AKAP7: variants seen among roughly 807,000 people sequenced by gnomAD.
AKAP7 encodes the protein A-kinase anchoring protein 7, also known as A kinase (PRKA) anchor protein 7.
A neutral mutation model predicts 39.5 loss-of-function variants in AKAP7; 39 were observed. That is an observed-to-expected ratio of 0.99 (90% CI 0.76 to 1.29). The LOEUF is 1.29. AKAP7 is among the 50% of genes most tolerant of loss of function. The probability of loss-of-function intolerance (pLI) is 0.00; values close to 1 mark genes in which losing one functional copy is unlikely to be tolerated. For synonymous variants in AKAP7, 140 were observed against 139.1 expected (o/e 1.01, Z -0.05); for missense variants, 414 against 407.7 (o/e 1.02, Z -0.13).
chr6:131,195,403 G>A (rs1806827172), intron 5 of AKAP7, among the ~76,000 whole-genome samples: 2 of 152,086 alleles, frequency 1.3e-5, no homozygotes. Context: ...TTGAAGAGTT[G>A]TGGTAGTTAT....
intron 7 of AKAP7, among the ~76,000 whole-genome samples, chr6:131,249,602 TA>T (rs1246461877): frequency 6.6e-6 from 1 of 152,182 alleles, no homozygotes; most frequent in Non-Finnish European, 1.5e-5. Context: ...TAGAGTGTCA[TA>T]AACTAAGGCT....
intron 7 of AKAP7, among the ~76,000 whole-genome samples, chr6:131,253,956 T>G (rs1377720325): frequency 6.6e-6 from 1 of 152,204 alleles, no homozygotes; most frequent in African/African-American, 2.4e-5. Flanking sequence ...GGTATTCCTT[T>G]GATACACTGA....
chr6:131,222,420 G>T (rs1187008782), intron 7 of AKAP7, among the ~76,000 whole-genome samples: 1 of 152,020 alleles, frequency 6.6e-6, no homozygotes, highest in Non-Finnish European at 1.5e-5. Flanking sequence ...CCAGCTACTC[G>T]GGAGGCTGAG....
intron 7 of AKAP7, chr6:131,252,906 A>T (rs1812550264): frequency 1.2e-6 from 1 of 844,994 alleles, no homozygotes; most frequent in Middle Eastern, 3.4e-4. Context: ...AAATGTGAAT[A>T]CTCACTTCTT....
chr6:131,215,705 C>T (rs1180915575), intron 6 of AKAP7, among the ~76,000 whole-genome samples: 1 of 152,190 alleles, frequency 6.6e-6, no homozygotes, highest in African/African-American at 2.4e-5. Flanking sequence ...CCAATATGTA[C>T]ATTTTCATTG....
chr6:131,159,243 G>A (rs1266321491), intron 2 of AKAP7, among the ~76,000 whole-genome samples: 1 of 151,986 alleles, frequency 6.6e-6, no homozygotes. Context: ...ACAGGTGCCC[G>A]CCAGCACACC....
At chr6:131,156,551 A>T (rs1802432678) in intron 2 of AKAP7, among the ~76,000 whole-genome samples, 1 of 151,972 alleles carries the variant, frequency 6.6e-6, no homozygotes, top group Non-Finnish European at 1.5e-5. Flanking sequence ...AGGTGGGAGG[A>T]TCATTTGAGC....
chr6:131,179,795 G>C (rs1255143656), intron 5 of AKAP7, among the ~76,000 whole-genome samples: 1 of 152,034 alleles, frequency 6.6e-6, no homozygotes, highest in Non-Finnish European at 1.5e-5. Flanking sequence ...CTTGAGTCTG[G>C]GAGGGCGAGG....
intron 1 of AKAP7, among the ~76,000 whole-genome samples, chr6:131,139,839 T>C (rs1800879330): frequency 6.6e-6 from 1 of 152,224 alleles, no homozygotes; most frequent in Non-Finnish European, 1.5e-5. Context: ...CTTTCAAAAG[T>C]GTCCTGGTTT....
At position 131,135,635 on chromosome 6, in the gene AKAP7, C is replaced by T; in HGVS notation, c.-129C>T. On this transcript the variant is annotated 5_prime_UTR_variant, in exon 1 of 8. Coordinates refer to ENST00000431975, the MANE Select transcript of AKAP7 (RefSeq NM_016377.4). ...AGCCTGTCGCTGGACCCCGCGCCGGCCCAGCGCACCGCCCTCAGGCCCCGA... is the reference window on the plus strand; with the variant it reads ...AGCCTGTCGCTGGACCCCGCGCCGGTCCAGCGCACCGCCCTCAGGCCCCGA... The T allele has an allele frequency of 1.2e-6, 1 of 844,816 alleles. No homozygotes were observed. The highest frequency in any genetic ancestry group is 1.4e-6 in the Non-Finnish European group (1 of 697,118). 52.3% of individuals were successfully genotyped at this position (844,816 alleles called of 1,614,324 possible). A position where few individuals can be genotyped will look rare whatever the true frequency, so the allele number is the denominator to read the frequency against.
intron 7 of AKAP7, among the ~76,000 whole-genome samples, chr6:131,273,944 T>C (rs553243166): frequency 4.0e-5 from 6 of 150,452 alleles, no homozygotes; most frequent in Non-Finnish European, 8.9e-5. Flanking sequence ...CCTTTTCTTT[T>C]TTTTTTTTTT....
chr6:131,135,659 G>A lies in AKAP7; in HGVS notation c.-105G>A, dbSNP rs1297414881. On this transcript the variant is annotated 5_prime_UTR_variant, in exon 1 of 8. Coordinates refer to ENST00000431975, the MANE Select transcript of AKAP7 (RefSeq NM_016377.4). ...GCCCAGCGCACCGCCCTCAGGCCCC[G>A]AGCCCCGCCCTGGCCTCCGCCTCGG... The A allele has an allele frequency of 3.0e-6, 3 of 1,005,524 alleles. No individual in the cohort carries two copies. The highest frequency in any genetic ancestry group is 5.6e-5 in the Admixed American group (1 of 17,848). 62.3% of individuals were successfully genotyped at this position (1,005,524 alleles called of 1,614,324 possible). A position where few individuals can be genotyped will look rare whatever the true frequency, so the allele number is the denominator to read the frequency against.
chr6:131,235,753 G>T (rs1810997275), intron 7 of AKAP7, among the ~76,000 whole-genome samples: 1 of 152,150 alleles, frequency 6.6e-6, no homozygotes, highest in Non-Finnish European at 1.5e-5. Flanking sequence ...TTTTGATGGG[G>T]TTGTTTGTTT....
intron 7 of AKAP7, among the ~76,000 whole-genome samples, chr6:131,237,872 A>G (rs1411880990): frequency 1.3e-5 from 2 of 151,876 alleles, no homozygotes; most frequent in Non-Finnish European, 2.9e-5. Flanking sequence ...GGATTCACTG[A>G]TTTTTTTGAA....
intron 2 of AKAP7, among the ~76,000 whole-genome samples, chr6:131,155,922 A>G (rs558834022): frequency 1.3e-5 from 2 of 152,338 alleles, no homozygotes; most frequent in African/African-American, 4.8e-5. Context: ...CATACATTGT[A>G]TGCTCCAGAC....
chr6:131,194,523 C>A (rs948226983), intron 5 of AKAP7, among the ~76,000 whole-genome samples: 3 of 152,056 alleles, frequency 2.0e-5, no homozygotes, highest in African/African-American at 7.2e-5. Flanking sequence ...ATGAAACATT[C>A]TGTAAATATC....
At chr6:131,241,577 ATG>A (rs749601887) in intron 7 of AKAP7, among the ~76,000 whole-genome samples, 10,931 of 81,202 alleles carry the variant, frequency 0.13, 686 homozygotes, top group East Asian at 0.25. Context: ...GATTATATAT[ATG>A]TGTGTGTGTG....
At chr6:131,231,954 GCTTA>G (rs1322268863) in intron 7 of AKAP7, among the ~76,000 whole-genome samples, 6 of 152,182 alleles carry the variant, frequency 3.9e-5, no homozygotes, top group Non-Finnish European at 7.4e-5. Context: ...GGAACTCTCA[GCTTA>G]CTTCTTTACA....
At chr6:131,154,853 T>G (rs1802277614) in intron 2 of AKAP7, among the ~76,000 whole-genome samples, 1 of 152,132 alleles carries the variant, frequency 6.6e-6, no homozygotes, top group Non-Finnish European at 1.5e-5. Context: ...CTTTTTTCCT[T>G]TTGGGTATGT....
Sources: gnomAD v4.1 joint callset for allele counts (sites outside exome capture counted in the v4.1 genomes callset) on GRCh38, gnomAD v4.1.1 for gene constraint, MANE v1.5 for transcripts, NCBI Gene and HGNC (gene_info 2026-07-23, HGNC 2026-07-21) for gene names.